The following ANO2 variants were observed in gnomAD, a reference collection of about 807,000 sequenced individuals.
The protein encoded by ANO2 is anoctamin-2.
Under a neutral mutation model 124.2 loss-of-function variants are expected in ANO2, and 101 were observed. That is an observed-to-expected ratio of 0.81 (90% confidence interval 0.69 to 0.96). The LOEUF is 0.96. Ranked by LOEUF, ANO2 falls within the 40% of genes least tolerant of loss-of-function variation. The pLI is 0.00. For missense variants in ANO2, 1,293 were observed against 1,274.5 expected, an observed-to-expected ratio of 1.01 and a Z score of -0.22; for synonymous variants, 486 against 482.5, an observed-to-expected ratio of 1.01 and a Z score of -0.09.
At chr12:5,873,457 C>G (rs985472783) in intron 3 of ANO2, among the ~76,000 whole-genome samples, 4 of 152,200 alleles carry the variant, frequency 2.6e-5, no homozygotes, top group Non-Finnish European at 5.9e-5. Context: ...CTACTACACT[C>G]CAGGACCCGT....
Position 5,925,772 on chromosome 12 carries a change from A to G in ANO2, c.23-2968T>C, listed in dbSNP as rs1219097045. ...TTGAACAACAGATCCTTGGGTGTTC[A>G]TAACTGCAATGCCGTGAGGGTGGGG... On this transcript the variant is annotated intron_variant, in intron 1 of 24. Transcript: ENST00000682330. This position sits in a 1 kb window ranked among gnomAD's most constrained non-coding sequence, Gnocchi z 4.6. Among the ~76,000 whole-genome samples, 1 of 152,224 alleles carries G rather than the reference A, an allele frequency of 6.6e-6. No homozygotes were observed. The highest frequency in any genetic ancestry group is 2.4e-5 in the African/African-American group (1 of 41,452).
At position 5,733,957 on chromosome 12, in the gene ANO2, C is replaced by G. The variant is rs187754556; in HGVS notation, c.1435-1327G>C. ...CTAACATAAAGATCAGCTACCTGCT[C>G]TGTATTATTCTATGTTTTGCACAGT... is the stretch of plus-strand genomic sequence containing the variant. On this transcript the variant is annotated intron_variant, in intron 13 of 24. Coordinates refer to ENST00000682330, the MANE Select transcript of ANO2 (RefSeq NM_001364791.2). 6.6e-5 allele frequency among the ~76,000 whole-genome samples: 10 copies of G among 152,294 alleles called. No homozygotes were observed. In the South Asian group the frequency reaches 8.3e-4, roughly 13 times the overall value.
At chr12:5,742,618 G>C (rs986321868) in intron 12 of ANO2, among the ~76,000 whole-genome samples, 8 of 152,148 alleles carry the variant, frequency 5.3e-5, no homozygotes, top group Non-Finnish European at 1.2e-4. Flanking sequence ...TACAACAGGG[G>C]ATTATGTGTC....
chr12:5,739,358 G>C lies in ANO2; in HGVS notation c.1393C>G (p.Leu465Val), dbSNP rs753287061. 9 of 1,607,660 alleles carry C rather than the reference G, an allele frequency of 5.6e-6. No individual in the cohort carries two copies. The highest frequency in any genetic ancestry group is 7.6e-6 in the Non-Finnish European group (9 of 1,177,270). ...LENWKRLQMR[L>V]GYFWDLTGIE... Reference sequence around the variant, plus strand: ...CCAGTCAGGTCCCAAAAGTAGCCCAGTCGCATCTGTAGCCTCTTCCAGTTT... The same window carrying C: ...CCAGTCAGGTCCCAAAAGTAGCCCACTCGCATCTGTAGCCTCTTCCAGTTT... The change falls in exon 13 of 25, where the codon CTG (leucine) becomes GTG (valine). Residue 465 changes from leucine to valine, a missense_variant. By Grantham distance (32) the Leu-to-Val change is conservative. Transcript: ENST00000682330.
intron 20 of ANO2, among the ~76,000 whole-genome samples, chr12:5,578,910 G>A (rs1026573148): frequency 2.0e-5 from 3 of 152,174 alleles, no homozygotes; most frequent in African/African-American, 7.2e-5. Context: ...TTGTCACAAC[G>A]ACTCAACTCT....
At chr12:5,637,230 T>C (rs917033277) in intron 15 of ANO2, among the ~76,000 whole-genome samples, 9 of 152,108 alleles carry the variant, frequency 5.9e-5, no homozygotes, top group Admixed American at 5.2e-4. Context: ...AGTAAGGGCC[T>C]AGAAAATGTG....
chr12:5,625,558 A>T (rs188855035), intron 16 of ANO2, among the ~76,000 whole-genome samples: 1 of 152,242 alleles, frequency 6.6e-6, no homozygotes. Flanking sequence ...GACACATTAA[A>T]TTCTTGGCCC....
intron 3 of ANO2, among the ~76,000 whole-genome samples, chr12:5,910,285 T>G (rs956798928): frequency 6.6e-6 from 1 of 152,240 alleles, no homozygotes; most frequent in African/African-American, 2.4e-5. Flanking sequence ...GTTCCAGCGA[T>G]TCTCGTGCCT....
chr12:5,803,126 G>C (rs758960281), intron 9 of ANO2, among the ~76,000 whole-genome samples: 20 of 152,224 alleles, frequency 1.3e-4, no homozygotes, highest in Non-Finnish European at 1.0e-4. Context: ...GAGACAGGCA[G>C]AAAGATGCTA....
chr12:5,869,156 C>T (rs1386908312), intron 3 of ANO2, among the ~76,000 whole-genome samples: 1 of 152,092 alleles, frequency 6.6e-6, no homozygotes, highest in East Asian at 1.9e-4. Context: ...TGGGTCCCAT[C>T]CAGCAGGGCC....
chr12:5,645,030 C>A (rs929298601), intron 15 of ANO2, among the ~76,000 whole-genome samples: 1 of 152,126 alleles, frequency 6.6e-6, no homozygotes, highest in African/African-American at 2.4e-5. Flanking sequence ...TATGATGCAT[C>A]TAGATGCAGA....
chr12:5,797,210 A>G (rs1952889307), intron 10 of ANO2, among the ~76,000 whole-genome samples: 1 of 152,220 alleles, frequency 6.6e-6, no homozygotes. Context: ...GAAGGGAACC[A>G]CAGGCTGGAC....
At chr12:5,630,075 C>T (rs1241670392) in intron 16 of ANO2, among the ~76,000 whole-genome samples, 1 of 152,236 alleles carries the variant, frequency 6.6e-6, no homozygotes, top group Non-Finnish European at 1.5e-5. Flanking sequence ...CCTGACACCT[C>T]AGCCTCTTGA....
At chr12:5,725,776 C>T (rs576952072) in intron 14 of ANO2, among the ~76,000 whole-genome samples, 1 of 152,104 alleles carries the variant, frequency 6.6e-6, no homozygotes, top group East Asian at 2.0e-4. Context: ...TCTCTACTGC[C>T]TCACTGTCCT....
intron 12 of ANO2, among the ~76,000 whole-genome samples, chr12:5,743,793 T>C (rs558443563): frequency 3.9e-5 from 6 of 152,280 alleles, no homozygotes; most frequent in Admixed American, 3.3e-4. Context: ...TCCACCATTC[T>C]AAGTATTGTG....
intron 4 of ANO2, among the ~76,000 whole-genome samples, chr12:5,848,954 A>C (rs1472964955): frequency 6.6e-6 from 1 of 152,162 alleles, no homozygotes; most frequent in African/African-American, 2.4e-5. Context: ...TCTGCCAGGC[A>C]TTCAGAGAAC....
chr12:5,701,673 C>A (rs1692704197), intron 14 of ANO2, among the ~76,000 whole-genome samples: 1 of 152,214 alleles, frequency 6.6e-6, no homozygotes, highest in African/African-American at 2.4e-5. Context: ...TGTGACTGAT[C>A]TCTCCAGCTT....
intron 4 of ANO2, among the ~76,000 whole-genome samples, chr12:5,842,198 C>T (rs773902747): frequency 6.6e-6 from 1 of 152,154 alleles, no homozygotes; most frequent in Non-Finnish European, 1.5e-5. Context: ...CAATTTATAA[C>T]TAGCCATACA....
Position 5,796,502 on chromosome 12 carries a change from C to T in ANO2, c.1055+3005G>A, listed in dbSNP as rs959344770. ...CACAAACTCACAACACACAGAGACA[C>T]ACTCTCACACGAACACATTCTCACA... On this transcript the variant is annotated intron_variant, in intron 10 of 24. Coordinates refer to ENST00000682330, the MANE Select transcript of ANO2 (RefSeq NM_001364791.2). Among the ~76,000 whole-genome samples, 3 of 147,154 alleles carry T rather than the reference C, an allele frequency of 2.0e-5. No homozygotes were observed. In the East Asian group the frequency reaches 5.8e-4, roughly 28 times the overall value.
Sources: allele counts gnomAD v4.1 joint callset (sites outside exome capture counted in the v4.1 genomes callset), GRCh38; gene constraint gnomAD v4.1.1; non-coding constraint Gnocchi (gnomAD v3.1); transcripts MANE v1.5; gene names NCBI Gene and HGNC (gene_info 2026-07-23, HGNC 2026-07-21).